The following TSG101 variants were observed in gnomAD, a reference collection of about 807,000 sequenced individuals.
The protein encoded by TSG101 is tumor susceptibility gene 101 protein.
Under a neutral mutation model 48.5 loss-of-function variants are expected in TSG101, and 19 were observed. That is an observed-to-expected ratio of 0.39 (90% confidence interval 0.27 to 0.58). The LOEUF (loss-of-function observed/expected upper bound fraction) is 0.58. TSG101 is among the 20% of genes least tolerant of loss of function. The probability of loss-of-function intolerance (pLI) is 0.55; values close to 1 mark genes in which losing one functional copy is unlikely to be tolerated. For synonymous variants in TSG101, 174 were observed against 169.4 expected (o/e 1.03, Z -0.21); for missense variants, 365 against 484.4 (o/e 0.75, Z 2.31).
intron 2 of TSG101, among the ~76,000 whole-genome samples, chr11:18,517,166 C>A (rs1046902232): frequency 6.6e-6 from 1 of 150,892 alleles, no homozygotes; most frequent in Non-Finnish European, 1.5e-5. Flanking sequence ...GGACTACAGG[C>A]GTGCACTACC....
rs142873250 is a variant in TSG101 at position 18,513,044 on chromosome 11, A to G, written c.357+1634T>C. Among the ~76,000 whole-genome samples the G allele has an allele frequency of 1.1e-4, 17 of 152,064 alleles. No individual in the cohort carries two copies. In the East Asian group the frequency reaches 2.9e-3, roughly 26 times the overall value. ...CACCCAGCCTCAAGGACAGATTTTTATAAGGCTCATTCTACCTCTAAGTTC... is the reference window on the plus strand; with the variant it reads ...CACCCAGCCTCAAGGACAGATTTTTGTAAGGCTCATTCTACCTCTAAGTTC... On this transcript the variant is annotated intron_variant, in intron 4 of 9. Transcript: ENST00000251968.
chr11:18,522,223 TCTCTG>T (rs1434553125), intron 1 of TSG101, among the ~76,000 whole-genome samples: 3 of 152,172 alleles, frequency 2.0e-5, no homozygotes, highest in Non-Finnish European at 2.9e-5. Flanking sequence ...CTTAACCTCT[TCTCTG>T]AACTCCAGAA....
intron 1 of TSG101, among the ~76,000 whole-genome samples, 165 bp downstream of exon 1, chr11:18,526,610 C>G (rs1850379002): frequency 6.6e-6 from 1 of 152,244 alleles, no homozygotes. Flanking sequence ...ATTCCCGCAC[C>G]AGGCGACAGG....
chr11:18,499,324 A>T (rs1278872618), intron 7 of TSG101, among the ~76,000 whole-genome samples: 1 of 118,456 alleles, frequency 8.4e-6, no homozygotes, highest in Non-Finnish European at 1.7e-5. Flanking sequence ...ATATATATTT[A>T]TATATTTATA....
At chr11:18,481,396 C>T (rs147097471) in intron 9 of TSG101, 2 of 1,311,322 alleles carry the variant, frequency 1.5e-6, no homozygotes, top group Non-Finnish European at 1.9e-6. Flanking sequence ...CTTAATGCTG[C>T]CTGTGGGCAG....
intron 1 of TSG101, among the ~76,000 whole-genome samples, chr11:18,521,407 C>T (rs1029367001): frequency 3.3e-5 from 4 of 119,788 alleles, no homozygotes; most frequent in Admixed American, 1.1e-4. Flanking sequence ...CTCACTCTGT[C>T]GCTCAGGCTA....
At chr11:18,513,733 T>TA (rs1350606417) in intron 4 of TSG101, among the ~76,000 whole-genome samples, 1 of 152,196 alleles carries the variant, frequency 6.6e-6, no homozygotes, top group Admixed American at 6.5e-5. Context: ...CTCTGCCTCT[T>TA]AGCTAAGGCC....
chr11:18,516,647 A>G (rs910592131), intron 2 of TSG101, among the ~76,000 whole-genome samples: 6 of 151,810 alleles, frequency 4.0e-5, no homozygotes, highest in African/African-American at 1.5e-4. Flanking sequence ...AAAACTATTT[A>G]AAAATCACCA....
intron 3 of TSG101, among the ~76,000 whole-genome samples, chr11:18,515,102 T>C (rs887431987): frequency 6.6e-6 from 1 of 152,216 alleles, no homozygotes; most frequent in Non-Finnish European, 1.5e-5. Context: ...CTGTTTATTA[T>C]GAATGGTTGA....
chr11:18,496,080 C>T (rs566308909), intron 7 of TSG101, among the ~76,000 whole-genome samples: 7 of 152,292 alleles, frequency 4.6e-5, no homozygotes, highest in Admixed American at 1.3e-4. Context: ...CTGAGTGGAA[C>T]ACCATTCTCT....
intron 7 of TSG101, among the ~76,000 whole-genome samples, chr11:18,500,085 T>C (rs928736298): frequency 6.6e-6 from 1 of 152,196 alleles, no homozygotes; most frequent in African/African-American, 2.4e-5. Flanking sequence ...GGCTCCCACA[T>C]GAGAACATTT....
intron 7 of TSG101, among the ~76,000 whole-genome samples, chr11:18,492,255 C>T (rs550925551): frequency 3.4e-4 from 51 of 152,194 alleles, no homozygotes; most frequent in Non-Finnish European, 5.4e-4. Flanking sequence ...CCATAGATTA[C>T]GTACCTAAAT....
intron 4 of TSG101, among the ~76,000 whole-genome samples, chr11:18,512,509 T>G (rs1054221899): frequency 6.6e-6 from 1 of 152,216 alleles, no homozygotes; most frequent in Admixed American, 6.5e-5. Flanking sequence ...ACCTGTGTGT[T>G]TGTGGGGGTG....
intron 7 of TSG101, among the ~76,000 whole-genome samples, chr11:18,489,227 A>G (rs1335822620): frequency 7.0e-6 from 1 of 142,344 alleles, no homozygotes; most frequent in African/African-American, 2.6e-5. Flanking sequence ...ACATCATTCT[A>G]TTTTTTTTTT....
intron 1 of TSG101, among the ~76,000 whole-genome samples, chr11:18,521,470 G>C (rs754848981): frequency 2.1e-5 from 3 of 141,706 alleles, no homozygotes; most frequent in Non-Finnish European, 4.5e-5. Context: ...CTGGACTCAA[G>C]TGATACTCCC....
intron 2 of TSG101, 102 bp from the exon 3 acceptor site, chr11:18,516,266 A>C (rs1850171038): frequency 1.0e-6 from 1 of 995,108 alleles, no homozygotes; most frequent in South Asian, 1.4e-5. Flanking sequence ...TATCCTTGAA[A>C]GGGGCTGACC....
At chr11:18,498,775 G>C (rs1287657359) in intron 7 of TSG101, among the ~76,000 whole-genome samples, 2 of 152,126 alleles carry the variant, frequency 1.3e-5, no homozygotes, top group African/African-American at 2.4e-5. Flanking sequence ...TGAGGATAGA[G>C]AGTGCCAAGG....
chr11:18,524,911 CT>C (rs35642875), intron 1 of TSG101, among the ~76,000 whole-genome samples: 20,188 of 136,848 alleles, frequency 0.15, 1,088 homozygotes, highest in East Asian at 0.2. Context: ...AGGAATAAAT[CT>C]TTTTTTTTTT....
At chr11:18,514,545 A>C (rs553746232) in intron 4 of TSG101, 133 bp downstream of exon 4, 2 of 580,986 alleles carry the variant, frequency 3.4e-6, no homozygotes, top group Non-Finnish European at 5.3e-6. Flanking sequence ...ATTTACCCTC[A>C]ACTCAGTGAT....
Sources: gnomAD v4.1 joint callset for allele counts (sites outside exome capture counted in the v4.1 genomes callset) on GRCh38, gnomAD v4.1.1 for gene constraint, MANE v1.5 for transcripts, NCBI Gene and HGNC (gene_info 2026-07-23, HGNC 2026-07-21) for gene names.